Variants in ERLIN1 observed in about 807,000 individuals in gnomAD.
The protein encoded by ERLIN1 is erlin-1.
ERLIN1 carries 24 observed loss-of-function variants against 46.9 expected under a neutral mutation model. The observed-to-expected ratio is 0.51, with a 90% CI of 0.37 to 0.72. The LOEUF (loss-of-function observed/expected upper bound fraction) is 0.72. Among genes scored for constraint, ERLIN1 ranks in the 30% least tolerant of loss-of-function variants. The pLI, the probability that ERLIN1 is intolerant of heterozygous loss-of-function variation, is 0.00. For synonymous variants in ERLIN1, 158 were observed against 143.2 expected, an observed-to-expected ratio of 1.10 and a Z score of -0.74; for missense variants, 293 against 417.9, an observed-to-expected ratio of 0.70 and a Z score of 2.61.
At chr10:100,178,437 T>C (rs1844444429) in intron 3 of ERLIN1, among the ~76,000 whole-genome samples, 1 of 152,260 alleles carries the variant, frequency 6.6e-6, no homozygotes, top group Non-Finnish European at 1.5e-5. Context: ...CTTCTTTTGA[T>C]ACAATTCAAT....
rs938325001 is a variant in ERLIN1, at chr10:100,151,070, C to T, written c.*1061G>A. 6.6e-6 allele frequency: 1 copy of T among 152,588 alleles called. No individual in the cohort carries two copies. The highest frequency in any genetic ancestry group is 6.5e-5 in the Admixed American group (1 of 15,272). The allele number at this position is 152,588 out of a possible 1,614,324, so 9.5% of individuals were successfully genotyped here. A position where few individuals can be genotyped will look rare whatever the true frequency, so the allele number is the denominator to read the frequency against. On this transcript the variant is annotated 3_prime_UTR_variant, in exon 11 of 11. Coordinates refer to ENST00000421367, the MANE Select transcript of ERLIN1 (RefSeq NM_006459.4). ...ACTATGTGGGCTCCAGATAAACAAT[C>T]TTAAGGAGCATCAGTGTGCTTGTGA...
chr10:100,185,745 G>T lies in ERLIN1; in HGVS notation c.-119C>A. 1 of 773,630 alleles carries T rather than the reference G, an allele frequency of 1.3e-6. No homozygotes were observed. The highest frequency in any genetic ancestry group is 2.3e-6 in the Non-Finnish European group (1 of 444,190). 47.9% of individuals were successfully genotyped at this position (773,630 alleles called of 1,614,324 possible). Reference sequence around the variant, plus strand: ...TGGCGCTCTCTCGCAGGCTGAGCCGGGGAGTCCAGTACCCCTGTCCCCTCA... The same window carrying T: ...TGGCGCTCTCTCGCAGGCTGAGCCGTGGAGTCCAGTACCCCTGTCCCCTCA... On this transcript the variant is annotated 5_prime_UTR_variant, in exon 1 of 11. Coordinates refer to ENST00000421367, the MANE Select transcript of ERLIN1 (RefSeq NM_006459.4).
chr10:100,179,170 A>C, intron 3 of ERLIN1, 31 bp downstream of exon 3: 1 of 1,554,664 alleles, frequency 6.4e-7, no homozygotes, highest in Admixed American at 1.8e-5. Flanking sequence ...TCTGAGCTAA[A>C]GGGAGGCTCG....
intron 2 of ERLIN1, among the ~76,000 whole-genome samples, chr10:100,183,509 G>A (rs1312868514): frequency 6.6e-6 from 1 of 152,170 alleles, no homozygotes; most frequent in East Asian, 1.9e-4. Context: ...TATATACCAC[G>A]ATATAGATGG....
In ERLIN1 at chr10:100,185,991, C is replaced by A. The variant is rs1178561189; in HGVS notation, c.-365G>T. 7 of 427,172 alleles carry A rather than the reference C, an allele frequency of 1.6e-5. No homozygotes were observed. The highest frequency in any genetic ancestry group is 4.1e-5 in the African/African-American group (2 of 48,756). The allele number at this position is 427,172 out of a possible 1,614,324, so 26.5% of individuals were successfully genotyped here. Reference sequence around the variant, plus strand: ...CAGTGACGCATCGCCCCCGCCCGCACGTGCAGCCGACTCCCGCGCCGAGCC... The same window carrying A: ...CAGTGACGCATCGCCCCCGCCCGCAAGTGCAGCCGACTCCCGCGCCGAGCC... On this transcript the variant is annotated 5_prime_UTR_variant, in exon 1 of 11. Transcript: ENST00000421367.
chr10:100,179,161 C>A (rs551345288), intron 3 of ERLIN1, 40 bp downstream of exon 3: 176 of 1,503,486 alleles, frequency 1.2e-4, no homozygotes, highest in Admixed American at 2.0e-4. Context: ...GAAACTCTGT[C>A]TGAGCTAAAG....
At chr10:100,178,238 T>C (rs1037743146) in intron 3 of ERLIN1, 44 bp from the exon 4 acceptor site, 12 of 1,243,186 alleles carry the variant, frequency 9.7e-6, no homozygotes, top group Non-Finnish European at 1.4e-5. Flanking sequence ...AGGCAATCCA[T>C]AAAACACAGT....
At chr10:100,174,153 A>C in intron 6 of ERLIN1, 55 bp downstream of exon 6, 1 of 1,113,044 alleles carries the variant, frequency 9.0e-7, no homozygotes, top group Admixed American at 2.1e-5. Context: ...TGAAAGGAGG[A>C]ACAAACTCAA....
chr10:100,160,103 C>T (rs1047120046), intron 8 of ERLIN1, among the ~76,000 whole-genome samples: 10 of 151,890 alleles, frequency 6.6e-5, no homozygotes, highest in Non-Finnish European at 1.2e-4. Context: ...GAGAATTCTA[C>T]GAACAAATTT....
intron 8 of ERLIN1, among the ~76,000 whole-genome samples, chr10:100,163,714 A>G (rs1843482273): frequency 6.6e-6 from 1 of 152,204 alleles, no homozygotes; most frequent in Non-Finnish European, 1.5e-5. Context: ...TACAAATGAA[A>G]ATGCTATCCA....
At chr10:100,172,649 C>G (rs943400459) in intron 6 of ERLIN1, among the ~76,000 whole-genome samples, 4 of 152,160 alleles carry the variant, frequency 2.6e-5, no homozygotes, top group African/African-American at 4.8e-5. Context: ...CATATGGTAA[C>G]AATCAGTATG....
In ERLIN1 at chr10:100,164,006, A is replaced by G. The variant is rs1363645775; in HGVS notation, c.653T>C (p.Ile218Thr). The G allele has an allele frequency of 1.3e-6, 2 of 1,599,482 alleles. No individual in the cohort carries two copies. The highest frequency in any genetic ancestry group is 1.3e-5 in the African/African-American group (1 of 74,800). ...TCATTTCAGAGAAATCCAAGTACCT[A>G]TAACTGCCTTTTTCCTCTCTGTCTC... is the stretch of plus-strand genomic sequence containing the variant. ...EAETERKKAV[I>T]EAEKIAQVAK... Residue 218 changes from isoleucine to threonine, a missense_variant and splice_region_variant, in exon 8 of 11, where the codon ATA becomes ACA. Physicochemically the swap from Ile to Thr is moderately conservative, Grantham distance 89. This residue lies in a region of ERLIN1 where 148 missense variants were observed against 266.5 expected (regional missense o/e 0.56). Transcript: ENST00000421367.
At chr10:100,169,621 TAAA>T (rs67272064) in intron 6 of ERLIN1, among the ~76,000 whole-genome samples, 1 of 144,916 alleles carries the variant, frequency 6.9e-6, no homozygotes, top group Non-Finnish European at 1.5e-5. Context: ...CCTCAATGAT[TAAA>T]AAAAAAAAAG....
intron 7 of ERLIN1, among the ~76,000 whole-genome samples, chr10:100,165,589 T>A (rs1411361537): frequency 6.6e-6 from 1 of 152,072 alleles, no homozygotes; most frequent in Non-Finnish European, 1.5e-5. Context: ...GGTTTCATTG[T>A]GTTAGCTAGG....
intron 8 of ERLIN1, among the ~76,000 whole-genome samples, chr10:100,163,504 G>A (rs1164688419): frequency 4.0e-5 from 6 of 151,834 alleles, no homozygotes; most frequent in African/African-American, 1.2e-4. Flanking sequence ...AGCATCAACC[G>A]AGGGCCAAAG....
intron 9 of ERLIN1, among the ~76,000 whole-genome samples, chr10:100,155,193 C>A (rs1843007206): frequency 6.6e-6 from 1 of 152,212 alleles, no homozygotes; most frequent in Admixed American, 6.5e-5. Flanking sequence ...CACCCACTCT[C>A]CCACCTCCTA....
At chr10:100,159,581 C>T (rs993317433) in intron 8 of ERLIN1, among the ~76,000 whole-genome samples, 2 of 152,052 alleles carry the variant, frequency 1.3e-5, no homozygotes, top group African/African-American at 4.8e-5. Flanking sequence ...TATTTTCTGA[C>T]TACAATGTAG....
intron 10 of ERLIN1, among the ~76,000 whole-genome samples, chr10:100,152,855 C>CTT (rs368798021): frequency 6.0e-5 from 9 of 149,006 alleles, no homozygotes; most frequent in Non-Finnish European, 3.0e-5. Flanking sequence ...TGCACCCAGC[C>CTT]TTTTTTTTTT....
At chr10:100,185,453 CCA>C (rs1844908895) in intron 1 of ERLIN1, 59 bp downstream of exon 1, 2 of 1,301,972 alleles carry the variant, frequency 1.5e-6, no homozygotes, top group Non-Finnish European at 2.2e-6. Flanking sequence ...TTCCCAGACT[CCA>C]CTCTGGAGTA....
Sources: allele counts gnomAD v4.1 joint callset (sites outside exome capture counted in the v4.1 genomes callset), GRCh38; gene constraint gnomAD v4.1.1; regional missense constraint gnomAD v4.1.1; transcripts MANE v1.5; gene names NCBI Gene and HGNC (gene_info 2026-07-23, HGNC 2026-07-21).